TBATA: variants seen among roughly 807,000 people sequenced by gnomAD.
TBATA encodes the protein protein TBATA.
TBATA carries 47 observed loss-of-function variants against 38.7 expected under a neutral mutation model. That is an observed-to-expected ratio of 1.21 (90% CI 0.96 to 1.55). The LOEUF (loss-of-function observed/expected upper bound fraction) is 1.55, where lower values mean the gene tolerates loss of function less well. Ranked by LOEUF, TBATA falls within the 40% of genes most tolerant of loss-of-function variation. The pLI, the probability that TBATA is intolerant of heterozygous loss-of-function variation, is 0.00. For synonymous variants in TBATA, 183 were observed against 170.5 expected, an observed-to-expected ratio of 1.07 and a Z score of -0.57; for missense variants, 436 against 435.6, an observed-to-expected ratio of 1.00 and a Z score of -0.01.
chr10:70,777,294 C>A lies in TBATA; in HGVS notation c.552G>T (p.Lys184Asn), dbSNP rs1843535018. Reference protein sequence around the residue: ...KEEPLREQGAKYSAETGRLIP... With the variant: ...KEEPLREQGANYSAETGRLIP... ...TGAGCCTCCCAGTCTCTGCTGAGTA[C>A]TTTGCCCCCTGCTCCCGCAGAGGCT... Residue 184 changes from lysine to asparagine, a missense_variant, in exon 7 of 11, where the codon AAG becomes AAT. Transcript: ENST00000456372. The A allele has an allele frequency of 6.2e-7, 1 of 1,613,646 alleles. No homozygotes were observed. Among genetic ancestry groups the A allele is most frequent in the Non-Finnish European group, 8.5e-7 (1 of 1,179,934 alleles).
intron 8 of TBATA, 41 bp downstream of exon 8, chr10:70,775,148 G>A: frequency 6.4e-7 from 1 of 1,572,624 alleles, no homozygotes; most frequent in South Asian, 1.1e-5. Context: ...CAGGACCTTG[G>A]CAGCCTCCAC....
intron 10 of TBATA, among the ~76,000 whole-genome samples, chr10:70,771,697 G>A (rs1039974410): frequency 2.6e-5 from 4 of 152,328 alleles, no homozygotes; most frequent in Middle Eastern, 3.4e-3. Flanking sequence ...CCTACTCTGT[G>A]CCTCTCTGCC....
At chr10:70,778,844 T>C in intron 5 of TBATA, 1 of 613,224 alleles carries the variant, frequency 1.6e-6, no homozygotes, top group Non-Finnish European at 3.0e-6. Context: ...GGTGCGGGGG[T>C]GGGGCATTGC....
intron 1 of TBATA, 53 bp downstream of exon 1, chr10:70,785,232 C>A (rs1262110930): frequency 1.3e-5 from 2 of 152,426 alleles, no homozygotes; most frequent in African/African-American, 4.8e-5. Flanking sequence ...CTACCTCTGC[C>A]CTTCTGGGCT....
chr10:70,782,143 G>A, intron 3 of TBATA, 107 bp from the exon 4 acceptor site: 1 of 1,323,200 alleles, frequency 7.6e-7, no homozygotes, highest in Non-Finnish European at 1.0e-6. Flanking sequence ...GAGGAGCTCT[G>A]AAATCTGGTT....
chr10:70,778,834 G>A, intron 5 of TBATA, 198 bp from the exon 6 acceptor site: 1 of 669,468 alleles, frequency 1.5e-6, no homozygotes, highest in Non-Finnish European at 2.7e-6. Flanking sequence ...CAGTGGGTGG[G>A]GTGCGGGGGT....
At chr10:70,771,909 G>C (rs545502895) in intron 10 of TBATA, among the ~76,000 whole-genome samples, 2 of 152,120 alleles carry the variant, frequency 1.3e-5, no homozygotes, top group East Asian at 3.9e-4. Context: ...TAGCCAGAGG[G>C]GGCATGCACA....
At chr10:70,781,021 G>A (rs1844138683) in intron 4 of TBATA, among the ~76,000 whole-genome samples, 1 of 152,146 alleles carries the variant, frequency 6.6e-6, no homozygotes, top group Admixed American at 6.5e-5. Context: ...TGGCTTAATG[G>A]TGACAATAGT....
intron 6 of TBATA, 62 bp downstream of exon 6, chr10:70,778,495 C>T (rs749301927): frequency 3.3e-6 from 5 of 1,525,602 alleles, no homozygotes; most frequent in Admixed American, 3.3e-5. Context: ...GGAGGGATCT[C>T]CTTACACAGG....
intron 3 of TBATA, chr10:70,782,422 A>G (rs1295686044): frequency 3.1e-6 from 4 of 1,298,890 alleles, no homozygotes; most frequent in Non-Finnish European, 4.0e-6. Context: ...GGATGGTCTC[A>G]ACAGGGGCCT....
chr10:70,777,158 G>C lies in TBATA; in HGVS notation c.688C>G (p.Leu230Val). Residue 230 changes from leucine (L) to valine (V), a missense_variant, in exon 7 of 11, where the codon CTG becomes GTG. Coordinates refer to ENST00000456372, the MANE Select transcript of TBATA (RefSeq NM_001318241.2). ...VQAFLLQDQE[L>V]LVLELLCRIL... is the part of the protein sequence containing the mutation. ...GAGCAGAACTGGGCCCTCACCAGCA[G>C]CTCCTGATCCTGAAGGAGGAAAGCC... is the stretch of plus-strand genomic sequence containing the variant. 6.2e-7 allele frequency: 1 copy of C among 1,612,350 alleles called. No individual in the cohort carries two copies.
chr10:70,773,359 G>A (rs950436323), intron 9 of TBATA, among the ~76,000 whole-genome samples: 6 of 151,990 alleles, frequency 3.9e-5, no homozygotes, highest in East Asian at 3.9e-4. Context: ...CCCACTTCCC[G>A]GGATGACCTT....
chr10:70,778,649 G>C lies in TBATA; in HGVS notation c.428-13C>G, dbSNP rs200286074. The C allele has an allele frequency of 5.0e-4, 812 of 1,613,814 alleles. 2 individuals are homozygous for C. Among genetic ancestry groups the C allele is most frequent in the Admixed American group, 7.0e-4 (42 of 60,024 alleles). ...TTCTTCCAGGCTTCTGGGAGGAGGG[G>C]ACAAGGTCCTGCCAACTGAAGTCAG... On this transcript the variant is annotated splice_polypyrimidine_tract_variant and intron_variant, in intron 5 of 10. Coordinates refer to ENST00000456372, the MANE Select transcript of TBATA (RefSeq NM_001318241.2).
At chr10:70,784,494 C>CA (rs1564602787) in intron 2 of TBATA, among the ~76,000 whole-genome samples, 153 bp downstream of exon 2, 2 of 152,226 alleles carry the variant, frequency 1.3e-5, no homozygotes, top group East Asian at 3.9e-4. Flanking sequence ...AATTAACCCT[C>CA]AGAGTCACAG....
At position 70,771,415 on chromosome 10, in the gene TBATA, G is replaced by T. The variant is rs1402789888; in HGVS notation, c.1020C>A (p.Asn340Lys). 1 of 1,614,042 alleles carries T rather than the reference G, an allele frequency of 6.2e-7. No individual in the cohort carries two copies. The highest frequency in any genetic ancestry group is 1.3e-5 in the African/African-American group (1 of 74,900). The change falls in exon 11 of 11, where the codon AAC becomes AAA. Residue 340 changes from asparagine (N) to lysine (K), a missense_variant. By Grantham distance (94) the Asn-to-Lys change is moderately conservative (BLOSUM62 0). Transcript: ENST00000456372. The part of the protein sequence containing the change: ...AQVLQMHSSQ[N>K]TEKKTSKPRA... ...TCGGCTTCGATGTCTTCTTCTCTGT[G>T]TTCTGGCTTGAATGCATCTGGAGGA... is the stretch of plus-strand genomic sequence containing the variant.
chr10:70,777,064 G>A (rs1843494679), intron 7 of TBATA, 89 bp downstream of exon 7: 4 of 1,394,768 alleles, frequency 2.9e-6, no homozygotes, highest in Non-Finnish European at 3.8e-6. Context: ...CTAGGCACCA[G>A]TATCCCTGGG....
chr10:70,779,135 C>G (rs1000093566), intron 5 of TBATA, among the ~76,000 whole-genome samples: 1 of 152,220 alleles, frequency 6.6e-6, no homozygotes, highest in African/African-American at 2.4e-5. Flanking sequence ...GATCTCTTCC[C>G]TGTCCCCACC....
chr10:70,782,046 G>T lies in TBATA; in HGVS notation c.42-10C>A. On this transcript the variant is annotated splice_polypyrimidine_tract_variant and intron_variant, in intron 3 of 10. Coordinates refer to ENST00000456372, the MANE Select transcript of TBATA (RefSeq NM_001318241.2). Reference sequence around the variant, plus strand: ...CAGCTCAGCCTTTGGACTGAAGGAGGGGGTTTCAGGAGAAGCTAATGGAGT... The same window carrying T: ...CAGCTCAGCCTTTGGACTGAAGGAGTGGGTTTCAGGAGAAGCTAATGGAGT... 1.2e-6 allele frequency: 2 copies of T among 1,613,744 alleles called. No individual in the cohort carries two copies.
At position 70,779,720 on chromosome 10, in the gene TBATA, A is replaced by T; in HGVS notation, c.300T>A (p.Cys100Ter). The change falls in exon 5 of 11, where the codon TGT (cysteine) becomes TGA (stop). Residue 100 changes from cysteine (C) to a stop codon, truncating the protein, a stop_gained. Coordinates refer to ENST00000456372, the MANE Select transcript of TBATA (RefSeq NM_001318241.2). LOFTEE classifies it high-confidence loss of function. ...AGGGGGCTGGAAAATCCCTGACGAC[A>T]CAGACAGGCTTCCCGGTGAGATCTG... Reference protein sequence around the residue: ...HIQDLTGKPVCVVRDFPAPLP... With the variant: ...HIQDLTGKPV The T allele has an allele frequency of 6.5e-7, 1 of 1,537,428 alleles. No individual in the cohort carries two copies. Among genetic ancestry groups the T allele is most frequent in the Non-Finnish European group, 8.7e-7 (1 of 1,151,402 alleles).
Sources: allele counts gnomAD v4.1 joint callset (sites outside exome capture counted in the v4.1 genomes callset), GRCh38; gene constraint gnomAD v4.1.1; transcripts MANE v1.5; gene names NCBI Gene and HGNC (gene_info 2026-07-23, HGNC 2026-07-21).